DOCK4: variants seen among roughly 807,000 people sequenced by gnomAD.
The protein encoded by DOCK4 is dedicator of cytokinesis 4.
A neutral mutation model predicts 268.1 loss-of-function variants in DOCK4; 97 were observed. The ratio of observed to expected loss-of-function variants is 0.36; its 90% CI spans 0.31 to 0.43. The LOEUF (loss-of-function observed/expected upper bound fraction) is 0.43, where lower values mean the gene tolerates loss of function less well. Among genes scored for constraint, DOCK4 ranks in the 20% least tolerant of loss-of-function variants. The pLI, the probability that DOCK4 is intolerant of heterozygous loss-of-function variation, is 1.00. For synonymous variants in DOCK4, 954 were observed against 887.2 expected, an observed-to-expected ratio of 1.08 and a Z score of -1.34; for missense variants, 2,145 against 2,455.7, an observed-to-expected ratio of 0.87 and a Z score of 2.67.
intron 12 of DOCK4, among the ~76,000 whole-genome samples, chr7:111,926,142 A>G (rs1393182146): frequency 7.0e-6 from 1 of 143,720 alleles, no homozygotes; most frequent in Non-Finnish European, 1.5e-5. Flanking sequence ...GAAAGAAAGA[A>G]AGAAAAAGAG....
intron 8 of DOCK4, among the ~76,000 whole-genome samples, chr7:111,955,147 C>T (rs1034377381): frequency 1.3e-5 from 2 of 152,164 alleles, no homozygotes; most frequent in Non-Finnish European, 2.9e-5. Context: ...CACATGAGAA[C>T]ACAAATGACA....
intron 27 of DOCK4, chr7:111,820,477 C>T (rs1257216337): frequency 6.6e-6 from 1 of 152,210 alleles, no homozygotes; most frequent in African/African-American, 2.4e-5. Context: ...CTAACAAAAT[C>T]ATCTTCCTAT....
chr7:111,797,966 T>A (rs529231286), intron 30 of DOCK4, among the ~76,000 whole-genome samples: 46 of 152,176 alleles, frequency 3.0e-4, no homozygotes, highest in Non-Finnish European at 5.4e-4. Flanking sequence ...CTCCTAATGG[T>A]GACCACTTTG....
chr7:112,086,978 T>C (rs967328055), intron 1 of DOCK4, among the ~76,000 whole-genome samples: 1 of 151,978 alleles, frequency 6.6e-6, no homozygotes, highest in Non-Finnish European at 1.5e-5. Flanking sequence ...ATGAATAACC[T>C]TGCATGCTGA....
chr7:112,201,895 T>C (rs1820971257), intron 1 of DOCK4, among the ~76,000 whole-genome samples: 1 of 152,220 alleles, frequency 6.6e-6, no homozygotes, highest in African/African-American at 2.4e-5. Flanking sequence ...TCTCTATATT[T>C]ATGAAGTAAA....
At chr7:111,849,916 T>C (rs1484227371) in intron 23 of DOCK4, among the ~76,000 whole-genome samples, 1 of 152,158 alleles carries the variant, frequency 6.6e-6, no homozygotes, top group Non-Finnish European at 1.5e-5. Context: ...TTCTGTGGAA[T>C]AAATTAGTTT....
intron 1 of DOCK4, among the ~76,000 whole-genome samples, chr7:112,010,175 A>G (rs1330003714): frequency 6.6e-6 from 1 of 152,176 alleles, no homozygotes; most frequent in Non-Finnish European, 1.5e-5. Context: ...CTATGATGGA[A>G]AAGGAAAAGG....
chr7:112,197,776 C>T (rs947184257), intron 1 of DOCK4, among the ~76,000 whole-genome samples: 2 of 152,100 alleles, frequency 1.3e-5, no homozygotes, highest in Admixed American at 6.5e-5. Context: ...AGACTCATTA[C>T]TTCAGCCTTC....
At chr7:112,098,452 C>A (rs1810352603) in intron 1 of DOCK4, among the ~76,000 whole-genome samples, 1 of 151,628 alleles carries the variant, frequency 6.6e-6, no homozygotes, top group Non-Finnish European at 1.5e-5. Flanking sequence ...ATTGGGATTA[C>A]AGGTGCAAGC....
chr7:111,835,953 G>T (rs1803207152), intron 25 of DOCK4, among the ~76,000 whole-genome samples: 1 of 152,080 alleles, frequency 6.6e-6, no homozygotes, highest in Non-Finnish European at 1.5e-5. Flanking sequence ...ACATTTTTTA[G>T]GGTAAATATT....
At chr7:111,906,066 T>C (rs1031820607) in intron 13 of DOCK4, among the ~76,000 whole-genome samples, 2 of 152,118 alleles carry the variant, frequency 1.3e-5, no homozygotes, top group African/African-American at 4.8e-5. Context: ...GTGCCCTAGG[T>C]ATTATCAGTG....
At chr7:112,105,676 C>T (rs1258552359) in intron 1 of DOCK4, among the ~76,000 whole-genome samples, 4 of 148,262 alleles carry the variant, frequency 2.7e-5, no homozygotes, top group Admixed American at 1.3e-4. Context: ...ATTCCACTTC[C>T]TCCTCTTCCT....
At chr7:111,970,344 G>A (rs1037729001) in intron 8 of DOCK4, among the ~76,000 whole-genome samples, 3 of 151,758 alleles carry the variant, frequency 2.0e-5, no homozygotes, top group South Asian at 4.2e-4. Flanking sequence ...AAAACTCTCC[G>A]TGCCTCAGTT....
chr7:111,760,556 C>T (rs772052424), intron 39 of DOCK4, among the ~76,000 whole-genome samples: 2 of 152,144 alleles, frequency 1.3e-5, no homozygotes, highest in African/African-American at 4.8e-5. Context: ...TCACTCTTCC[C>T]GGTTCACTTG....
intron 10 of DOCK4, among the ~76,000 whole-genome samples, chr7:111,942,004 T>C (rs1217764905): frequency 1.3e-5 from 2 of 152,180 alleles, no homozygotes; most frequent in Non-Finnish European, 2.9e-5. Context: ...ATTACTATAC[T>C]GGAAAGATGT....
rs142431082 is a variant in DOCK4, at chr7:112,156,128, C to T, written c.37+49974G>A. On this transcript the variant is annotated intron_variant, in intron 1 of 52. Coordinates refer to ENST00000428084, the MANE Select transcript of DOCK4 (RefSeq NM_001363540.2). The stretch of plus-strand genomic sequence containing the variant: ...AGAGTCTCTTACCCAACCTACACAA[C>T]CTTGAAATTGTACTTTACTGAGCCT... 1.1e-4 allele frequency among the ~76,000 whole-genome samples: 17 copies of T among 152,140 alleles called. No homozygotes were observed. The East Asian group carries it at 3.3e-3, about 30-fold the overall frequency.
At chr7:111,765,959 G>T (rs1797735829) in intron 38 of DOCK4, among the ~76,000 whole-genome samples, 1 of 152,048 alleles carries the variant, frequency 6.6e-6, no homozygotes, top group Non-Finnish European at 1.5e-5. Flanking sequence ...AGAGCAGTTG[G>T]CATGAAGTGT....
chr7:111,858,211 CCTT>C (rs2134157194), intron 23 of DOCK4, among the ~76,000 whole-genome samples: 1 of 152,262 alleles, frequency 6.6e-6, no homozygotes, highest in African/African-American at 2.4e-5. Context: ...TCACATATGT[CCTT>C]CTTTCTGTCT....
At chr7:111,973,985 C>T (rs548548789) in intron 8 of DOCK4, among the ~76,000 whole-genome samples, 7 of 152,128 alleles carry the variant, frequency 4.6e-5, no homozygotes, top group East Asian at 3.9e-4. Context: ...TGAGAAGATG[C>T]GGACATTTGA....
Sources: gnomAD v4.1 joint callset for allele counts (sites outside exome capture counted in the v4.1 genomes callset) on GRCh38, gnomAD v4.1.1 for gene constraint, MANE v1.5 for transcripts, NCBI Gene and HGNC (gene_info 2026-07-23, HGNC 2026-07-21) for gene names.